Variants in DDX21 observed in about 807,000 individuals in gnomAD.
DDX21 encodes nucleolar RNA helicase 2.
Under a neutral mutation model 90.0 loss-of-function variants are expected in DDX21, and 18 were observed. That is an observed-to-expected ratio of 0.20 (90% CI 0.14 to 0.30). DDX21 has a LOEUF of 0.30. Among genes scored for constraint, DDX21 ranks in the 10% least tolerant of loss-of-function variants. The pLI is 1.00. For missense variants in DDX21, 673 were observed against 944.5 expected, an observed-to-expected ratio of 0.71 and a Z score of 3.77; for synonymous variants, 294 against 318.0, an observed-to-expected ratio of 0.92 and a Z score of 0.80.
chr10:68,976,369 G>C (rs1049650537), intron 11 of DDX21, among the ~76,000 whole-genome samples: 1 of 151,578 alleles, frequency 6.6e-6, no homozygotes, highest in Non-Finnish European at 1.5e-5. Flanking sequence ...CTCACTGCAA[G>C]CTCTGCCTCC....
intron 11 of DDX21, among the ~76,000 whole-genome samples, chr10:68,976,188 A>G (rs2132092658): frequency 6.6e-6 from 1 of 151,916 alleles, no homozygotes; most frequent in South Asian, 2.1e-4. Flanking sequence ...GGTTGTGCTA[A>G]TGTACTCCAC....
chr10:68,959,780 G>T (rs1376878444), intron 1 of DDX21, 26 bp from the exon 2 acceptor site: 2 of 1,478,756 alleles, frequency 1.4e-6, no homozygotes, highest in East Asian at 2.4e-5. Flanking sequence ...TTCAGTGTTT[G>T]TATTTTCCTT....
At chr10:68,974,812 A>G (rs1036509693) in intron 11 of DDX21, 69 bp downstream of exon 11, 2 of 1,420,088 alleles carry the variant, frequency 1.4e-6, no homozygotes, top group African/African-American at 1.5e-5. Context: ...TTGTACAGTA[A>G]TAAGATTTGA....
In DDX21 at chr10:68,968,998, A is replaced by G. The variant is rs78426206; in HGVS notation, c.1113A>G (p.Thr371=). ...YKKDSEDNPQ[T]LLFSATCPHW... ...AAGATTCTGAAGACAATCCCCAAAC[A>G]TTGCTTTTTTCTGCAACTTGCCCTC... is the stretch of plus-strand genomic sequence containing the variant. The change falls in exon 7 of 15, where the codon ACA becomes ACG. Residue 371 remains threonine, a synonymous_variant. Transcript: ENST00000354185. 27 of 1,613,126 alleles carry G rather than the reference A, an allele frequency of 1.7e-5. No individual in the cohort carries two copies. The East Asian group carries it at 6.0e-4, about 36-fold the overall frequency.
chr10:68,984,190 G>A lies in DDX21; in HGVS notation c.*1378G>A, dbSNP rs41278542. The A allele has an allele frequency of 2.0e-5, 3 of 152,280 alleles. No individual in the cohort carries two copies. The highest frequency in any genetic ancestry group is 4.4e-5 in the Non-Finnish European group (3 of 68,032). The allele number at this position is 152,280 out of a possible 1,614,324, so 9.4% of individuals were successfully genotyped here. ...TGAGAATCCTGGAACTACTATGCTAGGAAATTTAAAGCTGCATGGTCTGTC... is the reference window on the plus strand; with the variant it reads ...TGAGAATCCTGGAACTACTATGCTAAGAAATTTAAAGCTGCATGGTCTGTC... On this transcript the variant is annotated 3_prime_UTR_variant, in exon 15 of 15. Transcript: ENST00000354185.
intron 11 of DDX21, among the ~76,000 whole-genome samples, chr10:68,975,339 T>A (rs1843084469): frequency 6.6e-6 from 1 of 152,122 alleles, no homozygotes; most frequent in South Asian, 2.1e-4. Context: ...GAGAATTATT[T>A]TTTATGGGAT....
At chr10:68,962,577 C>T (rs1470901996) in intron 3 of DDX21, among the ~76,000 whole-genome samples, 1 of 152,028 alleles carries the variant, frequency 6.6e-6, no homozygotes, top group Non-Finnish European at 1.5e-5. Flanking sequence ...GGTCACACCA[C>T]TGCACGCCAG....
intron 1 of DDX21, among the ~76,000 whole-genome samples, chr10:68,957,659 T>C (rs1842817011): frequency 6.6e-6 from 1 of 152,224 alleles, no homozygotes; most frequent in South Asian, 2.1e-4. Context: ...AACTCTGTTA[T>C]ATTCCAAAAG....
intron 11 of DDX21, among the ~76,000 whole-genome samples, chr10:68,975,788 C>T (rs946342309): frequency 6.6e-6 from 1 of 152,182 alleles, no homozygotes; most frequent in Non-Finnish European, 1.5e-5. Flanking sequence ...GTGGCTCACA[C>T]CTGTAATCCC....
chr10:68,982,927 A>G lies in DDX21; in HGVS notation c.*115A>G. On this transcript the variant is annotated 3_prime_UTR_variant, in exon 15 of 15. Transcript: ENST00000354185. ...TTGTGCCTCCTTTTGACCACTTGCCAAGTCCCTGTCTCTTTCAGACACAGA... is the reference window on the plus strand; with the variant it reads ...TTGTGCCTCCTTTTGACCACTTGCCGAGTCCCTGTCTCTTTCAGACACAGA... The G allele has an allele frequency of 7.6e-7, 1 of 1,319,480 alleles. No homozygotes were observed. Among genetic ancestry groups the G allele is most frequent in the South Asian group, 1.5e-5 (1 of 67,692 alleles). The allele number at this position is 1,319,480 out of a possible 1,614,324, so 81.7% of individuals were successfully genotyped here.
rs1336461554 is a variant in DDX21 at position 68,982,876 on chromosome 10, A to G, written c.*64A>G. ...GTTTGGCAATATAGAACTGAACATT[A>G]TTTTTCATGCAAAGTTAAAAGCACA... On this transcript the variant is annotated 3_prime_UTR_variant, in exon 15 of 15. Coordinates refer to ENST00000354185, the MANE Select transcript of DDX21 (RefSeq NM_004728.4). 9 of 1,572,716 alleles carry G rather than the reference A, an allele frequency of 5.7e-6. No individual in the cohort carries two copies. In the Admixed American group the frequency reaches 1.6e-4, roughly 28 times the overall value.
intron 13 of DDX21, among the ~76,000 whole-genome samples, chr10:68,980,690 G>A (rs991036553): frequency 2.0e-5 from 3 of 152,100 alleles, no homozygotes; most frequent in African/African-American, 4.8e-5. Context: ...TCCTTGATTG[G>A]AGAGGATGGC....
At chr10:68,970,955 ATTTT>A (rs56314802) in intron 8 of DDX21, among the ~76,000 whole-genome samples, 1,815 of 72,464 alleles carry the variant, frequency 0.025, 31 homozygotes, top group African/African-American at 0.074. Flanking sequence ...GCCCAGCCTA[ATTTT>A]TTTTTTTTTT....
chr10:68,960,543 C>T (rs1011178789), intron 2 of DDX21, among the ~76,000 whole-genome samples: 2 of 152,074 alleles, frequency 1.3e-5, no homozygotes, highest in Non-Finnish European at 2.9e-5. Context: ...CTCACTGCAA[C>T]CTCTGCCTCC....
intron 8 of DDX21, 45 bp downstream of exon 8, chr10:68,970,395 A>G: frequency 6.3e-7 from 1 of 1,578,270 alleles, no homozygotes; most frequent in Non-Finnish European, 8.6e-7. Context: ...ATATCAACAA[A>G]TCTTCACCTT....
At chr10:68,970,118 G>GTTGT in intron 7 of DDX21, 83 bp from the exon 8 acceptor site, 1 of 1,319,582 alleles carries the variant, frequency 7.6e-7, no homozygotes. Flanking sequence ...GAACATTAGT[G>GTTGT]TTGTGCTCAC....
In DDX21 at chr10:68,974,751, C is replaced by T. The variant is rs764102524; in HGVS notation, c.1742+8C>T. On this transcript the variant is annotated splice_region_variant and intron_variant, in intron 11 of 14. Coordinates refer to ENST00000354185, the MANE Select transcript of DDX21 (RefSeq NM_004728.4). ...CAGCAAAGATGCCATCAGGTATGTTCCCTACCACTGCTATGGTCTGTTTTA... is the reference window on the plus strand; with the variant it reads ...CAGCAAAGATGCCATCAGGTATGTTTCCTACCACTGCTATGGTCTGTTTTA... 6.2e-7 allele frequency: 1 copy of T among 1,608,262 alleles called. No individual in the cohort carries two copies. The highest frequency in any genetic ancestry group is 8.5e-7 in the Non-Finnish European group (1 of 1,174,816).
Position 68,959,833 on chromosome 10 carries a change from G to A in DDX21, c.115G>A (p.Asp39Asn), listed in dbSNP as rs759331255. 2 of 1,552,518 alleles carry A rather than the reference G, an allele frequency of 1.3e-6. No individual in the cohort carries two copies. Among genetic ancestry groups the A allele is most frequent in the South Asian group, 1.2e-5 (1 of 80,032 alleles). The change falls in exon 2 of 15, where the codon GAT becomes AAT. Residue 39 changes from aspartate to asparagine, a missense_variant. Physicochemically the swap from Asp to Asn is conservative, Grantham distance 23. This residue lies in a region of DDX21 where 204 missense variants were observed against 221.6 expected (regional missense o/e 0.92). Transcript: ENST00000354185. ...AGAGAAAAAAGAGAAGCCAAAATCT[G>A]ATAAGACTGAAGAGATAGCAGAAGA... ...EKEKKEKPKS[D>N]KTEEIAEEEE...
intron 8 of DDX21, among the ~76,000 whole-genome samples, chr10:68,971,537 T>C (rs2132088889): frequency 6.6e-6 from 1 of 152,290 alleles, no homozygotes; most frequent in African/African-American, 2.4e-5. Context: ...CTGGCCTCAC[T>C]TCTTTCTAAT....
Sources: allele counts gnomAD v4.1 joint callset (sites outside exome capture counted in the v4.1 genomes callset), GRCh38; gene constraint gnomAD v4.1.1; regional missense constraint gnomAD v4.1.1; transcripts MANE v1.5; gene names NCBI Gene and HGNC (gene_info 2026-07-23, HGNC 2026-07-21).